The following PLEKHA8 variants were observed in gnomAD, a reference collection of about 807,000 sequenced individuals.
PLEKHA8 encodes the protein pleckstrin homology domain containing A8, also known as pleckstrin homology domain-containing family A member 8.
A neutral mutation model predicts 68.2 loss-of-function variants in PLEKHA8; 36 were observed. The observed-to-expected ratio is 0.53, with a 90% CI of 0.40 to 0.70. The LOEUF is 0.70. Among genes scored for constraint, PLEKHA8 ranks in the 30% least tolerant of loss-of-function variants. The pLI is 0.00. For synonymous variants in PLEKHA8, 211 were observed against 216.1 expected (o/e 0.98, Z 0.20); for missense variants, 505 against 615.4 (o/e 0.82, Z 1.90).
At chr7:30,055,965 C>T (rs1465090675) in intron 9 of PLEKHA8, among the ~76,000 whole-genome samples, 52 of 136,168 alleles carry the variant, frequency 3.8e-4, no homozygotes, top group African/African-American at 1.3e-3. Context: ...TTTTTTGAGA[C>T]GGAGTCTTGC....
intron 13 of PLEKHA8, chr7:30,117,994 C>T: frequency 6.5e-7 from 1 of 1,530,148 alleles, no homozygotes; most frequent in Non-Finnish European, 8.7e-7. Context: ...CTGATGGTGG[C>T]CCAGGAGGGC....
downstream of PLEKHA8, among the ~76,000 whole-genome samples, chr7:30,089,334 C>T (rs1026137192): frequency 2.0e-5 from 3 of 151,718 alleles, no homozygotes; most frequent in African/African-American, 7.3e-5. Context: ...CACAAGAAGC[C>T]CGCCCCCCCA....
In PLEKHA8 at chr7:30,079,700, A is replaced by G. The variant is rs1246001620; in HGVS notation, c.*913A>G. 2.2e-5 allele frequency: 10 copies of G among 464,234 alleles called. No individual in the cohort carries two copies. Among genetic ancestry groups the G allele is most frequent in the Non-Finnish European group, 2.8e-5 (10 of 353,884 alleles). 28.8% of individuals were successfully genotyped at this position (464,234 alleles called of 1,614,324 possible). On this transcript the variant is annotated 3_prime_UTR_variant, in exon 14 of 14. Transcript: ENST00000449726. ...CCTGGACTGCCTCTGCATCAAAGTCATATGGAGTGCTTGTTCAAACAGCAG... is the reference window on the plus strand; with the variant it reads ...CCTGGACTGCCTCTGCATCAAAGTCGTATGGAGTGCTTGTTCAAACAGCAG...
chr7:30,106,453 T>C (rs372363086), intron 13 of PLEKHA8, among the ~76,000 whole-genome samples: 9 of 152,246 alleles, frequency 5.9e-5, no homozygotes, highest in East Asian at 3.8e-4. Flanking sequence ...CCACTTGTCT[T>C]GGAATCATTC....
chr7:30,052,672 G>A lies in PLEKHA8; in HGVS notation c.639-37G>A, dbSNP rs376177609. On this transcript the variant is annotated intron_variant, in intron 6 of 13. Transcript: ENST00000449726. ...AAAAAAAAAAAAAAGACCAAATAAC[G>A]ACCTTCTGGCTTTTTTTCCTTTTAA... 133 of 1,295,492 alleles carry A rather than the reference G, an allele frequency of 1.0e-4. 1 individual carries two copies. The African/African-American group carries it at 1.2e-3, about 12-fold the overall frequency. The allele number at this position is 1,295,492 out of a possible 1,614,324, so 80.2% of individuals were successfully genotyped here.
At chr7:30,095,998 G>A (rs1350149854) in intron 13 of PLEKHA8, among the ~76,000 whole-genome samples, 1 of 152,084 alleles carries the variant, frequency 6.6e-6, no homozygotes, top group African/African-American at 2.4e-5. Context: ...GGATTGACTT[G>A]GCAATGCGGG....
chr7:30,115,761 TGTATACAC>T (rs942903906), intron 13 of PLEKHA8: 1 of 148,328 alleles, frequency 6.7e-6, no homozygotes, highest in Non-Finnish European at 1.5e-5. Flanking sequence ...TGCACATACA[TGTATACAC>T]GTATGCATGC....
chr7:30,095,209 T>A (rs1408547035), downstream of PLEKHA8, among the ~76,000 whole-genome samples: 1 of 152,250 alleles, frequency 6.6e-6, no homozygotes, highest in East Asian at 1.9e-4. Flanking sequence ...TTTTTAAAGA[T>A]CGCCATGCTA....
Position 30,079,126 on chromosome 7 carries a change from A to G in PLEKHA8, c.*339A>G. ...TATTTTAGTCTAATGGGCCACCCAA[A>G]CCCAAGCTGAAAATCAGCAAATTCC... On this transcript the variant is annotated 3_prime_UTR_variant, in exon 14 of 14. Coordinates refer to ENST00000449726, the MANE Select transcript of PLEKHA8 (RefSeq NM_001197026.2). 9.8e-7 allele frequency: 1 copy of G among 1,024,740 alleles called. No individual in the cohort carries two copies. The highest frequency in any genetic ancestry group is 1.2e-6 in the Non-Finnish European group (1 of 854,688). The allele number at this position is 1,024,740 out of a possible 1,614,324, so 63.5% of individuals were successfully genotyped here.
chr7:30,111,925 G>A (rs1434550482), intron 13 of PLEKHA8, among the ~76,000 whole-genome samples: 2 of 152,124 alleles, frequency 1.3e-5, no homozygotes, highest in African/African-American at 4.8e-5. Flanking sequence ...CCAACCATAT[G>A]CTGTTCACAA....
At chr7:30,029,146 T>C (rs573679802) in intron 1 of PLEKHA8, among the ~76,000 whole-genome samples, 42 of 152,312 alleles carry the variant, frequency 2.8e-4, no homozygotes, top group Non-Finnish European at 4.6e-4. Context: ...TCTCTTGAAT[T>C]TTGGCGAAGG....
chr7:30,099,636 AC>A (rs1795775590), intron 13 of PLEKHA8, among the ~76,000 whole-genome samples: 1 of 152,224 alleles, frequency 6.6e-6, no homozygotes, highest in Non-Finnish European at 1.5e-5. Flanking sequence ...CAGGGAGAAT[AC>A]ACATTCTTTT....
chr7:30,055,291 A>G lies in PLEKHA8; in HGVS notation c.988A>G (p.Ile330Val), dbSNP rs1377660517. 6.2e-7 allele frequency: 1 copy of G among 1,614,062 alleles called. No homozygotes were observed. The highest frequency in any genetic ancestry group is 8.5e-7 in the Non-Finnish European group (1 of 1,180,024). The change falls in exon 9 of 14, where the codon ATT (isoleucine) becomes GTT (valine). Residue 330 changes from isoleucine to valine, a missense_variant. Transcript: ENST00000449726. Reference sequence around the variant, plus strand: ...CATTGAACTTCTGGAAGACAGTGGCATTCCCACAGAAGCATTCTTGGCATC... The same window carrying G: ...CATTGAACTTCTGGAAGACAGTGGCGTTCCCACAGAAGCATTCTTGGCATC... Reference protein sequence around the residue: ...SDIELLEDSGIPTEAFLASCY... With the variant: ...SDIELLEDSGVPTEAFLASCY...
chr7:30,096,561 G>A (rs1443608760), intron 13 of PLEKHA8, among the ~76,000 whole-genome samples: 7 of 152,150 alleles, frequency 4.6e-5, no homozygotes, highest in South Asian at 2.1e-4. Flanking sequence ...CCAACACTAC[G>A]TTGAATAGGA....
At chr7:30,043,120 A>G (rs906948902) in intron 1 of PLEKHA8, among the ~76,000 whole-genome samples, 1 of 151,668 alleles carries the variant, frequency 6.6e-6, no homozygotes, top group Non-Finnish European at 1.5e-5. Context: ...TCTCACCTCA[A>G]CCTCCTGCTG....
intron 1 of PLEKHA8, among the ~76,000 whole-genome samples, chr7:30,044,417 G>A (rs1003664694): frequency 4.6e-5 from 7 of 152,148 alleles, no homozygotes; most frequent in South Asian, 2.1e-4. Context: ...GATAAGATGC[G>A]TATTTCTACT....
intron 1 of PLEKHA8, among the ~76,000 whole-genome samples, chr7:30,042,689 C>T (rs1301935984): frequency 6.6e-6 from 1 of 152,138 alleles, no homozygotes; most frequent in African/African-American, 2.4e-5. Flanking sequence ...CTTAATTTAC[C>T]TGGGATTGGT....
At chr7:30,120,694 A>G (rs1436114231) in intron 13 of PLEKHA8, among the ~76,000 whole-genome samples, 3 of 152,230 alleles carry the variant, frequency 2.0e-5, no homozygotes, top group African/African-American at 7.2e-5. Flanking sequence ...GTTTGGGTGA[A>G]ATTAATGCAT....
rs147895233 is a variant in PLEKHA8, at chr7:30,083,430, A to G, written c.*4643A>G. 6.3e-3 allele frequency: 6,216 copies of G among 985,128 alleles called. 23 individuals carry two copies. Among genetic ancestry groups the G allele is most frequent in the Non-Finnish European group, 6.9e-3 (5,737 of 829,668 alleles). The allele number at this position is 985,128 out of a possible 1,614,324, so 61.0% of individuals were successfully genotyped here. A position where few individuals can be genotyped will look rare whatever the true frequency, so the allele number is the denominator to read the frequency against. On this transcript the variant is annotated 3_prime_UTR_variant, in exon 14 of 14. Coordinates refer to ENST00000449726, the MANE Select transcript of PLEKHA8 (RefSeq NM_001197026.2). The stretch of plus-strand genomic sequence containing the variant: ...CAATTCCATAAATATACTGTTTACT[A>G]GACCTTCCCTGTAAATGTTCCCAAT...
Sources: gnomAD v4.1 joint callset for allele counts (sites outside exome capture counted in the v4.1 genomes callset) on GRCh38, gnomAD v4.1.1 for gene constraint, MANE v1.5 for transcripts, NCBI Gene and HGNC (gene_info 2026-07-23, HGNC 2026-07-21) for gene names.